The following DHRSX variants were observed in gnomAD, a reference collection of about 807,000 sequenced individuals.
DHRSX encodes polyprenol dehydrogenase.
Under a neutral mutation model 34.0 loss-of-function variants are expected in DHRSX, and 31 were observed. That is an observed-to-expected ratio of 0.91 (90% CI 0.69 to 1.23). The LOEUF is 1.23. Among genes scored for constraint, DHRSX ranks in the 50% most tolerant of loss-of-function variants. The pLI, the probability that DHRSX is intolerant of heterozygous loss-of-function variation, is 0.00. For missense variants in DHRSX, 414 were observed against 428.1 expected, an observed-to-expected ratio of 0.97 and a Z score of 0.29; for synonymous variants, 201 against 183.8, an observed-to-expected ratio of 1.09 and a Z score of -0.76.
At chrX:2,313,164 G>A (rs747630587) in intron 3 of DHRSX, among the ~76,000 whole-genome samples, 16 of 149,070 alleles carry the variant, frequency 1.1e-4, no homozygotes, top group Non-Finnish European at 1.6e-4. Flanking sequence ...CACCACACCT[G>A]GGTAATTTTT....
intron 4 of DHRSX, among the ~76,000 whole-genome samples, chrX:2,269,133 T>C (rs1307156115): frequency 6.6e-6 from 1 of 152,282 alleles, no homozygotes; most frequent in Non-Finnish European, 1.5e-5. Flanking sequence ...GTGTATTTTA[T>C]ATGGAGCTAT....
At chrX:2,388,193 T>C (rs1401724329) in intron 3 of DHRSX, among the ~76,000 whole-genome samples, 1 of 152,124 alleles carries the variant, frequency 6.6e-6, no homozygotes, top group East Asian at 1.9e-4. Context: ...GCTGAGACGA[T>C]GCCAGCTTGC....
At chrX:2,314,234 GGAGGGAAGGAAGGGAGGGAAGGAGGGAAT>G in intron 3 of DHRSX, among the ~76,000 whole-genome samples, 1 of 23,850 alleles carries the variant, frequency 4.2e-5, no homozygotes, top group Non-Finnish European at 9.7e-5. Context: ...AGGAAGGGAG[GGAGGGAAGGAAGGGAGGGAAGGAGGGAAT>G]GAAGGAGGGA....
chrX:2,310,864 C>A (rs1314539731), intron 3 of DHRSX, among the ~76,000 whole-genome samples: 1 of 151,784 alleles, frequency 6.6e-6, no homozygotes, highest in Non-Finnish European at 1.5e-5. Flanking sequence ...AGTTCGAGAC[C>A]AGCCTGGCCA....
intron 5 of DHRSX, among the ~76,000 whole-genome samples, chrX:2,258,422 C>G (rs933569301): frequency 2.6e-5 from 4 of 152,026 alleles, no homozygotes; most frequent in Admixed American, 2.0e-4. Flanking sequence ...TGTTTATAAT[C>G]TACCCAGTCT....
intron 5 of DHRSX, among the ~76,000 whole-genome samples, chrX:2,243,580 C>G (rs1346330507): frequency 2.0e-5 from 3 of 151,720 alleles, no homozygotes; most frequent in African/African-American, 7.3e-5. Context: ...TCCACCTGCC[C>G]GGTTCAAGTG....
intron 3 of DHRSX, among the ~76,000 whole-genome samples, chrX:2,293,783 C>T (rs2041895418): frequency 6.6e-6 from 1 of 151,814 alleles, no homozygotes; most frequent in South Asian, 2.1e-4. Flanking sequence ...TTATGAAGGC[C>T]ACATAGCTTT....
intron 4 of DHRSX, among the ~76,000 whole-genome samples, chrX:2,270,901 GACCA>G (rs1222793171): frequency 2.3e-4 from 34 of 149,022 alleles, no homozygotes; most frequent in African/African-American, 8.6e-4. Context: ...CTATAAAATG[GACCA>G]ATCAGCACTC....
intron 4 of DHRSX, among the ~76,000 whole-genome samples, chrX:2,272,568 C>T (rs1468374159): frequency 6.6e-6 from 1 of 152,016 alleles, no homozygotes; most frequent in Non-Finnish European, 1.5e-5. Flanking sequence ...GTCACGTGGC[C>T]CCTGCTTGGT....
At chrX:2,480,853 TTAGA>T (rs1378345669) in intron 1 of DHRSX, among the ~76,000 whole-genome samples, 16 of 152,098 alleles carry the variant, frequency 1.1e-4, no homozygotes, top group Non-Finnish European at 2.1e-4. Context: ...ATTTTTCCAG[TTAGA>T]TAGAAGAAAT....
intron 3 of DHRSX, among the ~76,000 whole-genome samples, chrX:2,325,589 G>A (rs2042376117): frequency 1.3e-5 from 2 of 151,948 alleles, no homozygotes; most frequent in South Asian, 4.2e-4. Context: ...CTTTCCTGTG[G>A]GCTATGTAAA....
At chrX:2,387,560 C>T (rs1274559626) in intron 3 of DHRSX, among the ~76,000 whole-genome samples, 1 of 151,974 alleles carries the variant, frequency 6.6e-6, no homozygotes, top group Non-Finnish European at 1.5e-5. Flanking sequence ...TGTTTTTCTG[C>T]CTGCTTATAG....
chrX:2,295,423 T>TGG (rs756847642), intron 3 of DHRSX, among the ~76,000 whole-genome samples: 2 of 151,632 alleles, frequency 1.3e-5, no homozygotes, highest in Non-Finnish European at 3.0e-5. Flanking sequence ...CAGGGCTTGC[T>TGG]GGGGGGTGGA....
At chrX:2,465,880 T>C (rs2044487604) in intron 1 of DHRSX, among the ~76,000 whole-genome samples, 1 of 150,148 alleles carries the variant, frequency 6.7e-6, no homozygotes, top group East Asian at 2.0e-4. Context: ...TGAAAAAATA[T>C]CTGCAACAGG....
chrX:2,346,086 C>G (rs1008155860), intron 3 of DHRSX, among the ~76,000 whole-genome samples: 1 of 152,108 alleles, frequency 6.6e-6, no homozygotes, highest in Non-Finnish European at 1.5e-5. Context: ...GGAATTTCAT[C>G]CAGGAAAGCT....
intron 1 of DHRSX, among the ~76,000 whole-genome samples, chrX:2,448,878 A>C (rs1212446989): frequency 2.0e-5 from 3 of 152,132 alleles, no homozygotes; most frequent in Non-Finnish European, 4.4e-5. Flanking sequence ...AAAGGATTCC[A>C]GTTATGTGCT....
intron 3 of DHRSX, among the ~76,000 whole-genome samples, chrX:2,406,732 C>T (rs1248940422): frequency 4.6e-5 from 7 of 152,156 alleles, no homozygotes; most frequent in African/African-American, 1.7e-4. Context: ...CCAGCCACCA[C>T]GCTGGCCAGA....
At chrX:2,314,761 A>C (rs1290367922) in intron 3 of DHRSX, among the ~76,000 whole-genome samples, 2 of 152,120 alleles carry the variant, frequency 1.3e-5, no homozygotes, top group Admixed American at 6.6e-5. Context: ...GAATTTGGGC[A>C]AGATAAAAAA....
chrX:2,355,857 G>A (rs2042844378), intron 3 of DHRSX, among the ~76,000 whole-genome samples: 1 of 151,876 alleles, frequency 6.6e-6, no homozygotes, highest in Admixed American at 6.6e-5. Flanking sequence ...TCTAAAGTCG[G>A]GAGTTTGAGA....
Sources: allele counts gnomAD v4.1 joint callset (sites outside exome capture counted in the v4.1 genomes callset), GRCh38; gene constraint gnomAD v4.1.1; transcripts MANE v1.5; gene names NCBI Gene and HGNC (gene_info 2026-07-23, HGNC 2026-07-21).